Variants in CMSS1 observed in about 807,000 individuals in gnomAD.
The protein encoded by CMSS1 is cms1 ribosomal small subunit homolog.
Under a neutral mutation model 43.5 loss-of-function variants are expected in CMSS1, and 33 were observed. That is an observed-to-expected ratio of 0.76 (90% CI 0.57 to 1.01). CMSS1 has a LOEUF of 1.01. CMSS1 is among the 50% of genes least tolerant of loss of function. CMSS1 has a pLI of 0.00. For missense variants in CMSS1, 313 were observed against 326.4 expected, an observed-to-expected ratio of 0.96 and a Z score of 0.32; for synonymous variants, 115 against 117.2, an observed-to-expected ratio of 0.98 and a Z score of 0.12.
chr3:99,932,698 T>A (rs896806076), intron 1 of CMSS1, among the ~76,000 whole-genome samples: 3 of 152,162 alleles, frequency 2.0e-5, no homozygotes, highest in Non-Finnish European at 4.4e-5. Context: ...AAGACCAGCC[T>A]GGCCAACATG....
At chr3:100,108,175 C>A (rs961632826) in intron 1 of CMSS1, among the ~76,000 whole-genome samples, 2 of 152,104 alleles carry the variant, frequency 1.3e-5, no homozygotes, top group Non-Finnish European at 2.9e-5. Context: ...CTTCTTAATT[C>A]GGTCCAGGGA....
intron 1 of CMSS1, among the ~76,000 whole-genome samples, chr3:99,841,869 CTT>C (rs1488428091): frequency 6.6e-6 from 1 of 152,126 alleles, no homozygotes; most frequent in Non-Finnish European, 1.5e-5. Flanking sequence ...AAGGGGAACA[CTT>C]TTACACTGTT....
intron 1 of CMSS1, chr3:100,025,357 C>A (rs2064899203): frequency 6.6e-6 from 1 of 152,154 alleles, no homozygotes; most frequent in African/African-American, 2.4e-5. Flanking sequence ...ACCGTATTTG[C>A]TAACTTTCCT....
At chr3:100,087,949 G>C (rs956966730) in intron 1 of CMSS1, among the ~76,000 whole-genome samples, 28 of 150,170 alleles carry the variant, frequency 1.9e-4, no homozygotes, top group African/African-American at 6.9e-4. Context: ...TCCTGCCTCA[G>C]CCTCTCAAGT....
At chr3:99,873,670 G>A (rs771920500) in intron 1 of CMSS1, among the ~76,000 whole-genome samples, 3 of 151,908 alleles carry the variant, frequency 2.0e-5, no homozygotes, top group Non-Finnish European at 2.9e-5. Flanking sequence ...GCACTTTTTT[G>A]GAGGGGAAAT....
At chr3:99,854,434 T>C (rs1403814967) in intron 1 of CMSS1, among the ~76,000 whole-genome samples, 1 of 152,184 alleles carries the variant, frequency 6.6e-6, no homozygotes, top group Non-Finnish European at 1.5e-5. Flanking sequence ...GGTGCAGAAC[T>C]CTGCAGATCT....
At chr3:99,848,520 T>TGA (rs759303833) in intron 1 of CMSS1, 1 of 1,614,214 alleles carries the variant, frequency 6.2e-7, no homozygotes, top group Non-Finnish European at 8.5e-7. Flanking sequence ...TTATCACACT[T>TGA]GAGCTATTGC....
At chr3:99,988,451 G>T (rs1004125769) in intron 1 of CMSS1, among the ~76,000 whole-genome samples, 1 of 142,128 alleles carries the variant, frequency 7.0e-6, no homozygotes, top group Non-Finnish European at 1.5e-5. Context: ...GGCGGAGGTT[G>T]CAGTGAGCCG....
intron 1 of CMSS1, chr3:99,848,511 T>C: frequency 6.2e-7 from 1 of 1,614,214 alleles, no homozygotes; most frequent in African/African-American, 1.3e-5. Context: ...CCTCAGTAGT[T>C]ATCACACTTG....
chr3:100,121,547 A>G lies in CMSS1; in HGVS notation c.65-25426A>G, dbSNP rs2066622238. Among the ~76,000 whole-genome samples the G allele has an allele frequency of 2.6e-5, 4 of 152,278 alleles. No homozygotes were observed. The South Asian group carries it at 8.3e-4, about 32-fold the overall frequency. On this transcript the variant is annotated intron_variant, in intron 1 of 9. Transcript: ENST00000421999. ...GCTATTGTGAATAGTGACACAATAAACATACGTGTACATGTGATGCTATTG... is the reference window on the plus strand; with the variant it reads ...GCTATTGTGAATAGTGACACAATAAGCATACGTGTACATGTGATGCTATTG...
chr3:100,118,297 A>G (rs578179360), intron 1 of CMSS1, among the ~76,000 whole-genome samples: 64 of 152,084 alleles, frequency 4.2e-4, no homozygotes, highest in African/African-American at 1.5e-3. Context: ...AGAAAATTTA[A>G]CATAACATAC....
At chr3:100,004,616 C>G (rs1709936394) in intron 1 of CMSS1, among the ~76,000 whole-genome samples, 1 of 152,140 alleles carries the variant, frequency 6.6e-6, no homozygotes, top group African/African-American at 2.4e-5. Flanking sequence ...ATCATCAGGA[C>G]AGAGTAGCCA....
chr3:100,054,678 G>A (rs1163031026), intron 1 of CMSS1, among the ~76,000 whole-genome samples: 6 of 152,058 alleles, frequency 3.9e-5, no homozygotes, highest in African/African-American at 1.4e-4. Context: ...GATCAAAGGA[G>A]GGCAGATCAC....
At chr3:100,112,211 T>G (rs1576077537) in intron 1 of CMSS1, among the ~76,000 whole-genome samples, 2 of 152,348 alleles carry the variant, frequency 1.3e-5, no homozygotes, top group Non-Finnish European at 2.9e-5. Context: ...TCTTTAAATG[T>G]TTTTTAATGT....
chr3:100,064,059 CTTGTTTTGTTTGTTCT>C (rs941595224), intron 1 of CMSS1, among the ~76,000 whole-genome samples: 1 of 152,124 alleles, frequency 6.6e-6, no homozygotes, highest in Non-Finnish European at 1.5e-5. Flanking sequence ...TGGAAGAGTT[CTTGTTTTGTTTGTTCT>C]TTGTTTTGTT....
At chr3:100,113,287 G>A (rs955166934) in intron 1 of CMSS1, among the ~76,000 whole-genome samples, 10 of 152,186 alleles carry the variant, frequency 6.6e-5, no homozygotes, top group African/African-American at 1.4e-4. Flanking sequence ...TCCCATTGAG[G>A]AGTACAGTGA....
intron 1 of CMSS1, among the ~76,000 whole-genome samples, chr3:99,918,812 T>C (rs1707035466): frequency 6.6e-6 from 1 of 152,186 alleles, no homozygotes; most frequent in Non-Finnish European, 1.5e-5. Flanking sequence ...TAACAAAATA[T>C]TTGTTTGCAG....
intron 1 of CMSS1, among the ~76,000 whole-genome samples, chr3:99,847,705 A>G (rs1253329838): frequency 1.3e-5 from 2 of 152,210 alleles, no homozygotes; most frequent in African/African-American, 4.8e-5. Flanking sequence ...TTTGCTTCTG[A>G]AAGATCTTAT....
intron 2 of CMSS1, among the ~76,000 whole-genome samples, chr3:100,158,087 T>C (rs758979057): frequency 6.6e-6 from 1 of 152,220 alleles, no homozygotes; most frequent in Non-Finnish European, 1.5e-5. Flanking sequence ...ACTGTTGTTC[T>C]CTCTCCTGGT....
Sources: allele counts gnomAD v4.1 joint callset (sites outside exome capture counted in the v4.1 genomes callset), GRCh38; gene constraint gnomAD v4.1.1; transcripts MANE v1.5; gene names NCBI Gene and HGNC (gene_info 2026-07-23, HGNC 2026-07-21).